NAA16: variants seen among roughly 807,000 people sequenced by gnomAD.
NAA16 encodes the protein N-alpha-acetyltransferase 16, NatA auxiliary subunit.
In NAA16, 97 loss-of-function variants were observed where a neutral mutation model predicts 110.3. The ratio of observed to expected loss-of-function variants is 0.88; its 90% CI spans 0.75 to 1.04. NAA16 has a LOEUF of 1.04. Ranked by LOEUF, NAA16 falls within the 50% of genes least tolerant of loss-of-function variation. The pLI is 0.00. For missense variants in NAA16, 1,017 were observed against 1,005.1 expected (o/e 1.01, Z -0.16); for synonymous variants, 372 against 330.6 (o/e 1.13, Z -1.36).
chr13:41,367,017 G>A (rs971904845), intron 13 of NAA16, among the ~76,000 whole-genome samples: 35 of 152,150 alleles, frequency 2.3e-4, no homozygotes, highest in African/African-American at 7.7e-4. Context: ...GAGTAGAGCA[G>A]TCAGATTTGT....
rs913594799 is a variant in NAA16, at chr13:41,376,753, A to G, written c.*1151A>G. 8 of 152,226 alleles carry G rather than the reference A, an allele frequency of 5.3e-5. No individual in the cohort carries two copies. Among genetic ancestry groups the G allele is most frequent in the Non-Finnish European group, 1.2e-4 (8 of 68,042 alleles). The allele number at this position is 152,226 out of a possible 1,614,324, so 9.4% of individuals were successfully genotyped here. On this transcript the variant is annotated 3_prime_UTR_variant, in exon 20 of 20. Transcript: ENST00000379406. ...TAACTCTTAAAACATAGTGTTGTTA[A>G]ACAGTATTTTTTGGGGGCGGGTGGA...
chr13:41,326,645 C>T (rs963175002), intron 6 of NAA16, among the ~76,000 whole-genome samples: 2 of 152,092 alleles, frequency 1.3e-5, no homozygotes, highest in African/African-American at 4.8e-5. Context: ...AGTCATCCAG[C>T]TTTTTAAGTG....
intron 9 of NAA16, among the ~76,000 whole-genome samples, chr13:41,349,139 G>C (rs1426133416): frequency 6.6e-6 from 1 of 151,480 alleles, no homozygotes; most frequent in Non-Finnish European, 1.5e-5. Context: ...CCTTTTGCTT[G>C]TTTTAGGTTT....
At chr13:41,371,486 A>C (rs1239774488) in intron 15 of NAA16, among the ~76,000 whole-genome samples, 2 of 152,092 alleles carry the variant, frequency 1.3e-5, no homozygotes, top group Non-Finnish European at 2.9e-5. Flanking sequence ...GAGGTAGCAA[A>C]ACTAGCCCTT....
rs1453811007 is a variant in NAA16, at chr13:41,372,839, A to G, written c.2155+9A>G. The stretch of plus-strand genomic sequence containing the variant: ...TAGATTTTCTAAATCTGGTAAGTAT[A>G]AAAAAGGACCATATTTACATTTGTG... On this transcript the variant is annotated intron_variant, in intron 17 of 19. Coordinates refer to ENST00000379406, the MANE Select transcript of NAA16 (RefSeq NM_024561.5). 2.0e-6 allele frequency: 3 copies of G among 1,533,714 alleles called. No homozygotes were observed. The highest frequency in any genetic ancestry group is 3.8e-5 in the Admixed American group (2 of 53,092).
chr13:41,335,326 G>A (rs1471485475), intron 8 of NAA16, among the ~76,000 whole-genome samples: 1 of 152,116 alleles, frequency 6.6e-6, no homozygotes, highest in African/African-American at 2.4e-5. Context: ...GTCAGTGATG[G>A]TATTGCCTTC....
intron 7 of NAA16, among the ~76,000 whole-genome samples, chr13:41,329,468 T>C (rs1363155495): frequency 6.6e-6 from 1 of 151,662 alleles, no homozygotes; most frequent in East Asian, 1.9e-4. Context: ...ATTCCTGAAA[T>C]AATTATGAAG....
chr13:41,340,099 G>A (rs1188209766), intron 9 of NAA16, among the ~76,000 whole-genome samples: 1 of 151,956 alleles, frequency 6.6e-6, no homozygotes, highest in Admixed American at 6.5e-5. Flanking sequence ...GTTAGATTTT[G>A]TTAAAGTTAA....
In NAA16 at chr13:41,369,140, G is replaced by A. The variant is rs1162032753; in HGVS notation, c.1804G>A (p.Ala602Thr). The A allele has an allele frequency of 6.3e-7, 1 of 1,586,748 alleles. No individual in the cohort carries two copies. The highest frequency in any genetic ancestry group is 8.5e-7 in the Non-Finnish European group (1 of 1,172,682). Residue 602 changes from alanine to threonine, a missense_variant, in exon 15 of 20, where the codon GCT becomes ACT. Coordinates refer to ENST00000379406, the MANE Select transcript of NAA16 (RefSeq NM_024561.5). ...GAAAATGCTTAGCAAGCAGAGAAGA[G>A]CTCAGAAAAAGGCTAAACTAGAAGA... The part of the protein sequence containing the change: ...LKKMLSKQRR[A>T]QKKAKLEEER...
intron 9 of NAA16, among the ~76,000 whole-genome samples, chr13:41,353,600 TAAAAAAA>T (rs56050620): frequency 6.8e-6 from 1 of 146,412 alleles, no homozygotes; most frequent in African/African-American, 2.5e-5. Flanking sequence ...CTTTGTCTCT[TAAAAAAA>T]AAAAAAAAAA....
chr13:41,334,249 C>T (rs1209737747), intron 8 of NAA16, among the ~76,000 whole-genome samples: 1 of 152,040 alleles, frequency 6.6e-6, no homozygotes, highest in Non-Finnish European at 1.5e-5. Flanking sequence ...GGTAAAAGGG[C>T]TTCATACCTA....
At chr13:41,344,996 T>G (rs919225254) in intron 9 of NAA16, among the ~76,000 whole-genome samples, 2 of 152,252 alleles carry the variant, frequency 1.3e-5, no homozygotes, top group South Asian at 2.1e-4. Context: ...ATAGTCTTTT[T>G]GGGTCTGGCT....
chr13:41,355,828 TA>T (rs1278584746), intron 10 of NAA16, among the ~76,000 whole-genome samples: 1 of 152,224 alleles, frequency 6.6e-6, no homozygotes, highest in African/African-American at 2.4e-5. Flanking sequence ...CCTGAATCCC[TA>T]AATTCTCTGC....
At chr13:41,341,896 A>G (rs902821133) in intron 9 of NAA16, among the ~76,000 whole-genome samples, 1 of 144,226 alleles carries the variant, frequency 6.9e-6, no homozygotes, top group Non-Finnish European at 1.5e-5. Flanking sequence ...CAGTGGCGCA[A>G]TCTCTGCTCA....
Position 41,372,237 on chromosome 13 carries a change from T to A in NAA16, c.1982T>A (p.Leu661His). The A allele has an allele frequency of 6.2e-7, 1 of 1,601,486 alleles. No individual in the cohort carries two copies. Among genetic ancestry groups the A allele is most frequent in the Non-Finnish European group, 8.5e-7 (1 of 1,174,984 alleles). Residue 661 changes from leucine (L) to histidine (H), a missense_variant, in exon 16 of 20, where the codon CTT becomes CAT. Leu to His is a moderately conservative substitution (Grantham distance 99, BLOSUM62 -3). Transcript: ENST00000379406. The part of the protein sequence containing the change: ...ENPLEEAVKF[L>H]IPLKNLVADN... The stretch of plus-strand genomic sequence containing the variant: ...CCATTAGAGGAAGCCGTTAAGTTCC[T>A]TATACCTCTTAAGAACCTTGTTGCT...
In NAA16 at chr13:41,336,648, A is replaced by G; in HGVS notation, c.908-2A>G. On this transcript the variant is annotated splice_acceptor_variant, in intron 8 of 19. Transcript: ENST00000379406. LOFTEE classifies it high-confidence loss of function. Reference sequence around the variant, plus strand: ...AATAACAAAGTACGCTTTTGTTTCTAGGTGAAAGATTTAGAGAACTAATGG... The same window carrying G: ...AATAACAAAGTACGCTTTTGTTTCTGGGTGAAAGATTTAGAGAACTAATGG... 1 of 1,540,434 alleles carries G rather than the reference A, an allele frequency of 6.5e-7. No individual in the cohort carries two copies. The highest frequency in any genetic ancestry group is 8.9e-7 in the Non-Finnish European group (1 of 1,129,814).
intron 9 of NAA16, among the ~76,000 whole-genome samples, chr13:41,354,103 TTAATG>T (rs1212049924): frequency 2.0e-5 from 3 of 152,344 alleles, no homozygotes; most frequent in African/African-American, 7.2e-5. Flanking sequence ...TTCCTTACTG[TTAATG>T]TATAGTCCTA....
At chr13:41,359,414 C>G (rs183882228) in intron 12 of NAA16, among the ~76,000 whole-genome samples, 9 of 152,320 alleles carry the variant, frequency 5.9e-5, no homozygotes, top group African/African-American at 2.2e-4. Flanking sequence ...ATGGGCTACA[C>G]ATCCATCCCT....
intron 1 of NAA16, among the ~76,000 whole-genome samples, chr13:41,313,629 T>C (rs1465419335): frequency 6.6e-6 from 1 of 152,244 alleles, no homozygotes; most frequent in African/African-American, 2.4e-5. Flanking sequence ...AGCTGGTTTT[T>C]TACGTGTTCC....
Sources: gnomAD v4.1 joint callset for allele counts (sites outside exome capture counted in the v4.1 genomes callset) on GRCh38, gnomAD v4.1.1 for gene constraint, MANE v1.5 for transcripts, NCBI Gene and HGNC (gene_info 2026-07-23, HGNC 2026-07-21) for gene names.